The following GTF2IRD1 variants were observed in gnomAD, a reference collection of about 807,000 sequenced individuals.
GTF2IRD1 encodes GTF2I repeat domain containing 1.
In GTF2IRD1, 26 loss-of-function variants were observed where a neutral mutation model predicts 113.2. The ratio of observed to expected loss-of-function variants is 0.23; its 90% CI spans 0.17 to 0.32. The LOEUF (loss-of-function observed/expected upper bound fraction) is 0.32. GTF2IRD1 is among the 10% of genes least tolerant of loss of function. The pLI is 1.00. For missense variants in GTF2IRD1, 864 were observed against 1,280.8 expected, an observed-to-expected ratio of 0.67 and a Z score of 4.97; for synonymous variants, 484 against 529.1, an observed-to-expected ratio of 0.91 and a Z score of 1.17.
rs1353062429 is a variant in GTF2IRD1, at chr7:74,528,654, T to C, written c.1091-1080T>C. 2.7e-5 allele frequency among the ~76,000 whole-genome samples: 4 copies of C among 150,220 alleles called. No homozygotes were observed. The East Asian group carries it at 7.8e-4, about 29-fold the overall frequency. ...GCTGTGTTAGGCTGCCAAAGTGCTA[T>C]TTGAGCAAACACCTGAAAGGAGGGA... On this transcript the variant is annotated intron_variant, in intron 8 of 26. Transcript: ENST00000424337.
intron 24 of GTF2IRD1, among the ~76,000 whole-genome samples, chr7:74,594,780 C>T (rs1420628024): frequency 6.6e-6 from 1 of 151,356 alleles, no homozygotes; most frequent in Non-Finnish European, 1.5e-5. Flanking sequence ...GGTGAAACCC[C>T]GTCTCTACTA....
At chr7:74,492,549 A>G (rs1219399567) in intron 1 of GTF2IRD1, among the ~76,000 whole-genome samples, 2 of 152,058 alleles carry the variant, frequency 1.3e-5, no homozygotes, top group Non-Finnish European at 2.9e-5. Context: ...TGTGATTTGC[A>G]TTTCACTCAT....
In GTF2IRD1 at chr7:74,485,481, G is replaced by A. The variant is rs540827806; in HGVS notation, c.-6-22594G>A. 1.4e-4 allele frequency among the ~76,000 whole-genome samples: 21 copies of A among 152,272 alleles called. No individual in the cohort carries two copies. In the South Asian group the frequency reaches 3.5e-3, roughly 26 times the overall value. On this transcript the variant is annotated intron_variant, in intron 1 of 26. Coordinates refer to ENST00000424337, the MANE Select transcript of GTF2IRD1 (RefSeq NM_005685.4). ...AAACACAAAAAATTAGCTGGGCGTG[G>A]TGGCGGACGCCTGTAGTCCCAGCTA...
At chr7:74,510,392 C>T (rs147995382) in intron 2 of GTF2IRD1, among the ~76,000 whole-genome samples, 10,510 of 151,088 alleles carry the variant, frequency 0.07, 1,143 homozygotes, top group African/African-American at 0.23. Context: ...CTGCAACCTC[C>T]GCCTCCTGGG....
chr7:74,479,535 C>T (rs1171005793), intron 1 of GTF2IRD1, among the ~76,000 whole-genome samples: 1 of 152,062 alleles, frequency 6.6e-6, no homozygotes, highest in African/African-American at 2.4e-5. Context: ...AGGCGCCTCC[C>T]TTGTAGAAGA....
intron 1 of GTF2IRD1, among the ~76,000 whole-genome samples, chr7:74,496,455 G>C (rs989799492): frequency 5.6e-5 from 8 of 143,204 alleles, no homozygotes; most frequent in African/African-American, 8.2e-5. Flanking sequence ...GAGTGTGGGT[G>C]TGCATGTGTG....
intron 7 of GTF2IRD1, among the ~76,000 whole-genome samples, chr7:74,522,290 G>T (rs1228782468): frequency 6.6e-6 from 1 of 151,900 alleles, no homozygotes; most frequent in African/African-American, 2.4e-5. Flanking sequence ...CACACAGAAG[G>T]CCTGAGTGTA....
intron 6 of GTF2IRD1, 105 bp from the exon 7 acceptor site, chr7:74,521,103 C>T: frequency 3.0e-6 from 2 of 667,924 alleles, no homozygotes; most frequent in Admixed American, 2.5e-5. Context: ...ATGTCCCTGG[C>T]AGATGAGGCT....
chr7:74,585,727 C>T (rs1554367543), intron 22 of GTF2IRD1, among the ~76,000 whole-genome samples: 1 of 151,720 alleles, frequency 6.6e-6, no homozygotes, highest in African/African-American at 2.4e-5. Flanking sequence ...ACTAAAAATA[C>T]AAAAATCAGC....
intron 19 of GTF2IRD1, among the ~76,000 whole-genome samples, chr7:74,556,468 G>A (rs1466867882): frequency 1.3e-5 from 2 of 151,046 alleles, no homozygotes; most frequent in African/African-American, 2.4e-5. Flanking sequence ...TTATAGGCAC[G>A]TGCCACCACA....
At chr7:74,594,924 C>A in intron 24 of GTF2IRD1, 90 bp from the exon 25 acceptor site, 1 of 857,032 alleles carries the variant, frequency 1.2e-6, no homozygotes, top group Non-Finnish European at 1.9e-6. Flanking sequence ...TGCACTTCAG[C>A]CTGGGCAACC....
chr7:74,583,834 T>C (rs1408312171), intron 22 of GTF2IRD1, among the ~76,000 whole-genome samples: 1 of 152,016 alleles, frequency 6.6e-6, no homozygotes, highest in African/African-American at 2.4e-5. Flanking sequence ...ATACTACAAG[T>C]TTCCTTGTGT....
chr7:74,560,553 T>C (rs868985582), intron 22 of GTF2IRD1, among the ~76,000 whole-genome samples: 1 of 147,030 alleles, frequency 6.8e-6, no homozygotes, highest in South Asian at 2.1e-4. Flanking sequence ...TAATTAAAAA[T>C]ATTATATATA....
intron 1 of GTF2IRD1, among the ~76,000 whole-genome samples, chr7:74,467,796 C>T (rs37629): frequency 0.29 from 43,485 of 152,024 alleles, 6,814 homozygotes; most frequent in Middle Eastern, 0.43. Flanking sequence ...TGGTTTCAAG[C>T]GATTCTCCTG....
chr7:74,597,341 C>CTTTTT (rs79382591), intron 25 of GTF2IRD1, among the ~76,000 whole-genome samples: 2 of 134,248 alleles, frequency 1.5e-5, no homozygotes, highest in East Asian at 2.1e-4. Context: ...TGCTACCGGC[C>CTTTTT]TTTTTTTTTT....
At position 74,574,604 on chromosome 7, in the gene GTF2IRD1, C is replaced by T. The variant is rs113877382; in HGVS notation, c.2320+14949C>T. 3.7e-3 allele frequency among the ~76,000 whole-genome samples: 562 copies of T among 151,604 alleles called. 4 individuals are homozygous for T. The highest frequency in any genetic ancestry group is 0.013 in the African/African-American group (530 of 41,336). On this transcript the variant is annotated intron_variant, in intron 22 of 26. Transcript: ENST00000424337. ...CCTCCCAAGTAGCTGGGACTGGAGG[C>T]GTGCACCACCGTGCCAGGCTAATTT...
intron 9 of GTF2IRD1, 41 bp from the exon 10 acceptor site, chr7:74,535,072 A>G: frequency 6.3e-7 from 1 of 1,598,416 alleles, no homozygotes; most frequent in Non-Finnish European, 8.6e-7. Flanking sequence ...AGAGTCCTCC[A>G]GCCTGCACTG....
intron 24 of GTF2IRD1, among the ~76,000 whole-genome samples, chr7:74,593,814 G>A (rs1365819073): frequency 6.6e-6 from 1 of 151,830 alleles, no homozygotes. Context: ...TAAGACAGGA[G>A]AATTGCTTGA....
intron 2 of GTF2IRD1, among the ~76,000 whole-genome samples, chr7:74,510,528 C>CA (rs1424715835): frequency 2.0e-5 from 3 of 149,516 alleles, no homozygotes; most frequent in Non-Finnish European, 4.4e-5. Flanking sequence ...AGGCTGGTCT[C>CA]AAACTCCTGA....
Sources: gnomAD v4.1 joint callset for allele counts (sites outside exome capture counted in the v4.1 genomes callset) on GRCh38, gnomAD v4.1.1 for gene constraint, MANE v1.5 for transcripts, NCBI Gene and HGNC (gene_info 2026-07-23, HGNC 2026-07-21) for gene names.